NIPAL2: variants seen among roughly 807,000 people sequenced by gnomAD.
NIPAL2 encodes the protein NIPA like domain containing 2.
NIPAL2 carries 43 observed loss-of-function variants against 48.9 expected under a neutral mutation model. The ratio of observed to expected loss-of-function variants is 0.88; its 90% CI spans 0.69 to 1.13. NIPAL2 has a LOEUF of 1.13. NIPAL2 is among the 50% of genes most tolerant of loss of function. The probability of loss-of-function intolerance (pLI) is 0.00; values close to 1 mark genes in which losing one functional copy is unlikely to be tolerated. For missense variants in NIPAL2, 446 were observed against 461.4 expected (o/e 0.97, Z 0.31); for synonymous variants, 167 against 174.6 (o/e 0.96, Z 0.34).
intron 1 of NIPAL2, among the ~76,000 whole-genome samples, chr8:98,283,038 C>T (rs1002752212): frequency 2.6e-5 from 4 of 152,188 alleles, no homozygotes; most frequent in African/African-American, 9.7e-5. Flanking sequence ...TAACACAGTA[C>T]ATCATTGCTA....
chr8:98,271,763 T>C (rs957934109), intron 1 of NIPAL2, among the ~76,000 whole-genome samples: 1 of 152,154 alleles, frequency 6.6e-6, no homozygotes, highest in African/African-American at 2.4e-5. Flanking sequence ...TCTGTCTTGT[T>C]CCAGTTCTTA....
intron 4 of NIPAL2, among the ~76,000 whole-genome samples, chr8:98,234,177 A>G (rs557272070): frequency 6.6e-6 from 1 of 152,310 alleles, no homozygotes; most frequent in South Asian, 2.1e-4. Flanking sequence ...TCTGGCCCCA[A>G]ATGTCAGCAA....
At chr8:98,280,761 TAGAGAGAGAG>T (rs1554578553) in intron 1 of NIPAL2, among the ~76,000 whole-genome samples, 1 of 30,032 alleles carries the variant, frequency 3.3e-5, no homozygotes, top group African/African-American at 1.1e-4. Flanking sequence ...TATATATATA[TAGAGAGAGAG>T]AGAGAGAGAG....
chr8:98,246,833 C>A (rs559511598), intron 3 of NIPAL2, among the ~76,000 whole-genome samples: 2 of 152,156 alleles, frequency 1.3e-5, no homozygotes, highest in Admixed American at 6.6e-5. Context: ...CTTGCCCCTG[C>A]AATGATCTCC....
chr8:98,238,694 GAATGGAA>G (rs1179820793), intron 3 of NIPAL2, among the ~76,000 whole-genome samples: 61 of 151,940 alleles, frequency 4.0e-4, no homozygotes, highest in Non-Finnish European at 7.5e-4. Flanking sequence ...TTACTTACAG[GAATGGAA>G]GTTTCACACA....
chr8:98,224,738 C>G (rs555084831), intron 4 of NIPAL2, among the ~76,000 whole-genome samples: 1 of 138,848 alleles, frequency 7.2e-6, no homozygotes, highest in African/African-American at 2.6e-5. Flanking sequence ...TGCAGTTATA[C>G]TTTCTTTCTT....
chr8:98,272,950 A>G (rs1034956157), intron 1 of NIPAL2, among the ~76,000 whole-genome samples: 4 of 152,168 alleles, frequency 2.6e-5, no homozygotes, highest in African/African-American at 9.7e-5. Context: ...ACAAAACTCC[A>G]CAGTGATATT....
chr8:98,256,414 G>T (rs1053826800), intron 1 of NIPAL2, among the ~76,000 whole-genome samples: 3 of 151,986 alleles, frequency 2.0e-5, no homozygotes, highest in African/African-American at 4.8e-5. Context: ...TCATATATCT[G>T]GATTGAGATC....
At chr8:98,210,630 T>A (rs1485521849) in intron 6 of NIPAL2, among the ~76,000 whole-genome samples, 1 of 152,212 alleles carries the variant, frequency 6.6e-6, no homozygotes, top group African/African-American at 2.4e-5. Flanking sequence ...ATTATTCAGA[T>A]CCTCTGTCTT....
chr8:98,212,279 T>C (rs1032643648), intron 6 of NIPAL2, 126 bp downstream of exon 6: 12 of 487,244 alleles, frequency 2.5e-5, no homozygotes, highest in African/African-American at 2.1e-4. Flanking sequence ...AGTTTCTTCC[T>C]ATAGATCAGA....
intron 3 of NIPAL2, among the ~76,000 whole-genome samples, chr8:98,245,738 A>C (rs1272970545): frequency 6.6e-6 from 1 of 152,234 alleles, no homozygotes; most frequent in Non-Finnish European, 1.5e-5. Context: ...CATGCTGAAA[A>C]AATAAGGATG....
chr8:98,219,094 T>G (rs1330792112), intron 5 of NIPAL2, among the ~76,000 whole-genome samples: 1 of 152,008 alleles, frequency 6.6e-6, no homozygotes, highest in Non-Finnish European at 1.5e-5. Flanking sequence ...TCATGTGTAG[T>G]TTAGGTTTCC....
At chr8:98,292,907 C>G (rs920141972) in intron 1 of NIPAL2, among the ~76,000 whole-genome samples, 6 of 152,066 alleles carry the variant, frequency 3.9e-5, no homozygotes, top group Admixed American at 3.3e-4. Context: ...AAACATTGAT[C>G]AAGAGGCTCT....
At chr8:98,275,585 A>G (rs1217413752) in intron 1 of NIPAL2, among the ~76,000 whole-genome samples, 1 of 152,188 alleles carries the variant, frequency 6.6e-6, no homozygotes, top group East Asian at 1.9e-4. Flanking sequence ...TTCTACATGA[A>G]AATAAATCTT....
intron 8 of NIPAL2, among the ~76,000 whole-genome samples, chr8:98,196,605 C>T (rs751307298): frequency 1.2e-4 from 19 of 152,262 alleles, no homozygotes; most frequent in Non-Finnish European, 2.2e-4. Context: ...AAGGATGCAT[C>T]ATCTACTTTG....
intron 1 of NIPAL2, among the ~76,000 whole-genome samples, chr8:98,266,537 A>G (rs1814755790): frequency 6.7e-6 from 1 of 149,064 alleles, no homozygotes; most frequent in Admixed American, 6.7e-5. Context: ...TGGGCAACAG[A>G]GCAAGACTCT....
chr8:98,293,934 G>C, intron 1 of NIPAL2, 69 bp downstream of exon 1: 1 of 1,319,888 alleles, frequency 7.6e-7, no homozygotes, highest in Admixed American at 4.1e-5. Flanking sequence ...CCGAGGCGCA[G>C]AGGCGCCCGG....
intron 3 of NIPAL2, among the ~76,000 whole-genome samples, chr8:98,241,300 C>T (rs1438548937): frequency 6.6e-6 from 1 of 152,140 alleles, no homozygotes; most frequent in Non-Finnish European, 1.5e-5. Flanking sequence ...TAGACAAACA[C>T]ATAGGGGAAA....
chr8:98,282,176 G>A (rs924244557), intron 1 of NIPAL2, among the ~76,000 whole-genome samples: 1 of 152,164 alleles, frequency 6.6e-6, no homozygotes, highest in Non-Finnish European at 1.5e-5. Context: ...CCGGCAAAGG[G>A]CAGGGCAAGT....
Sources: allele counts gnomAD v4.1 joint callset (sites outside exome capture counted in the v4.1 genomes callset), GRCh38; gene constraint gnomAD v4.1.1; transcripts MANE v1.5; gene names NCBI Gene and HGNC (gene_info 2026-07-23, HGNC 2026-07-21).